Variants in HDAC7 observed in about 807,000 individuals in gnomAD.
HDAC7 encodes the protein histone deacetylase 7.
A neutral mutation model predicts 115.5 loss-of-function variants in HDAC7; 26 were observed. That is an observed-to-expected ratio of 0.23 (90% CI 0.16 to 0.31). The LOEUF (loss-of-function observed/expected upper bound fraction) is 0.31. Among genes scored for constraint, HDAC7 ranks in the 10% least tolerant of loss-of-function variants. The pLI is 1.00. For missense variants in HDAC7, 1,068 were observed against 1,329.0 expected (o/e 0.80, Z 3.05); for synonymous variants, 564 against 550.9 (o/e 1.02, Z -0.33).
At chr12:47,785,664 C>T (rs920253484) in intron 23 of HDAC7, 88 bp downstream of exon 23, 1 of 1,488,688 alleles carries the variant, frequency 6.7e-7, no homozygotes, top group African/African-American at 1.4e-5. Context: ...CCACCCTGTC[C>T]CATCCCATCT....
Position 47,797,291 on chromosome 12 carries a change from G to GC in HDAC7, c.577+92dup. Reference sequence around the variant, plus strand: ...AGCCTACCGATGATCTCCTGGCCCAGCCCAGCCCGCCCACCCCTGCACACT... The same window carrying GC: ...AGCCTACCGATGATCTCCTGGCCCAGCCCCAGCCCGCCCACCCCTGCACACT... On this transcript the variant is annotated intron_variant, in intron 6 of 25. Transcript: ENST00000080059. The surrounding 1 kb of genome is among the most constrained non-coding windows in gnomAD (Gnocchi z 5.5). The GC allele has an allele frequency of 1.3e-5, 18 of 1,336,172 alleles. No homozygotes were observed. Among genetic ancestry groups the GC allele is most frequent in the Admixed American group, 9.5e-5 (5 of 52,520 alleles). The allele number at this position is 1,336,172 out of a possible 1,614,324, so 82.8% of individuals were successfully genotyped here. A position where few individuals can be genotyped will look rare whatever the true frequency, so the allele number is the denominator to read the frequency against.
At chr12:47,790,771 C>T (rs370761609) in intron 16 of HDAC7, 14 of 185,318 alleles carry the variant, frequency 7.6e-5, no homozygotes, top group East Asian at 7.0e-4. Flanking sequence ...GCAAAGCTCG[C>T]GAGCGGAGTT....
intron 24 of HDAC7, chr12:47,784,634 G>T: frequency 7.6e-7 from 1 of 1,324,342 alleles, no homozygotes; most frequent in Non-Finnish European, 1.0e-6. Flanking sequence ...CCAGTGCTCA[G>T]CCCAGCACTC....
At chr12:47,796,695 A>C (rs1329919051) in intron 7 of HDAC7, among the ~76,000 whole-genome samples, 2 of 152,112 alleles carry the variant, frequency 1.3e-5, no homozygotes, top group African/African-American at 4.8e-5. Flanking sequence ...AAGTGCTGAG[A>C]TTATAGGCGT....
In HDAC7 at chr12:47,803,684, C is replaced by G. The variant is rs543938592; in HGVS notation, c.20-1410G>C. 1.3e-4 allele frequency among the ~76,000 whole-genome samples: 20 copies of G among 152,228 alleles called. No individual in the cohort carries two copies. Among genetic ancestry groups the G allele is most frequent in the Non-Finnish European group, 2.6e-4 (18 of 68,042 alleles). On this transcript the variant is annotated intron_variant, in intron 1 of 25. Coordinates refer to ENST00000080059, the MANE Select transcript of HDAC7 (RefSeq NM_015401.5). This position sits in a 1 kb window ranked among gnomAD's most constrained non-coding sequence, Gnocchi z 4.0. ...GGTGCCCTGTGGAAGCCATGCCCAT[C>G]TGCACCAAACACCTCGCAGGGCACG...
Position 47,793,601 on chromosome 12 carries a change from T to G in HDAC7, c.1459-13A>C, listed in dbSNP as rs772664693. 2.8e-5 allele frequency: 42 copies of G among 1,525,580 alleles called. No individual in the cohort carries two copies. In the African/African-American group the frequency reaches 5.4e-4, roughly 19 times the overall value. 94.5% of individuals were successfully genotyped at this position (1,525,580 alleles called of 1,614,324 possible). On this transcript the variant is annotated splice_polypyrimidine_tract_variant and intron_variant, in intron 12 of 25. Coordinates refer to ENST00000080059, the MANE Select transcript of HDAC7 (RefSeq NM_015401.5). This position sits in a 1 kb window ranked among gnomAD's most constrained non-coding sequence, Gnocchi z 4.5. ...CCCAGAGCAACACCTAGGGGAAAGA[T>G]GGGGCCTTGGTCTCCAGTGTTTCAG...
Position 47,798,482 on chromosome 12 carries a change from T to A in HDAC7, c.349+80A>T. On this transcript the variant is annotated intron_variant, in intron 4 of 25. Transcript: ENST00000080059. This position sits in a 1 kb window ranked among gnomAD's most constrained non-coding sequence, Gnocchi z 4.3. ...CCCAGCTGGCTGCGGCCCTCCCACCTCACCCCTCACAAGCCACACAGGCAG... is the reference window on the plus strand; with the variant it reads ...CCCAGCTGGCTGCGGCCCTCCCACCACACCCCTCACAAGCCACACAGGCAG... The A allele has an allele frequency of 7.6e-7, 1 of 1,313,960 alleles. No homozygotes were observed. The highest frequency in any genetic ancestry group is 1.1e-6 in the Non-Finnish European group (1 of 922,280). The allele number at this position is 1,313,960 out of a possible 1,614,324, so 81.4% of individuals were successfully genotyped here.
At chr12:47,811,484 G>A (rs61917653) in intron 1 of HDAC7, among the ~76,000 whole-genome samples, 18,110 of 152,238 alleles carry the variant, frequency 0.12, 1,201 homozygotes, top group Middle Eastern at 0.16. Flanking sequence ...TGAAAAAACA[G>A]TATATGCAGA....
chr12:47,796,309 G>A lies in HDAC7; in HGVS notation c.704-11C>T, dbSNP rs758987943. ...TACTTGGGGAGGAGTCTGAGGGTTG[G>A]GGAGAGAGGGAAGTGCAGTCAGAGG... On this transcript the variant is annotated splice_polypyrimidine_tract_variant and intron_variant, in intron 7 of 25. Coordinates refer to ENST00000080059, the MANE Select transcript of HDAC7 (RefSeq NM_015401.5). 6.3e-7 allele frequency: 1 copy of A among 1,586,090 alleles called. No homozygotes were observed. Among genetic ancestry groups the A allele is most frequent in the South Asian group, 1.2e-5 (1 of 86,468 alleles).
At chr12:47,796,960 G>A (rs915940716) in intron 7 of HDAC7, 57 bp downstream of exon 7, 6 of 1,491,724 alleles carry the variant, frequency 4.0e-6, no homozygotes, top group Non-Finnish European at 4.4e-6. Flanking sequence ...CTGACCCAAA[G>A]GGACAAGACC....
intron 1 of HDAC7, among the ~76,000 whole-genome samples, chr12:47,804,625 C>T (rs59502643): frequency 0.011 from 1,748 of 152,146 alleles, 41 homozygotes; most frequent in African/African-American, 0.04. Flanking sequence ...TTTTGGAATC[C>T]TGGCTACTCC....
At chr12:47,788,421 A>G in intron 19 of HDAC7, 1 of 322,694 alleles carries the variant, frequency 3.1e-6, no homozygotes, top group African/African-American at 2.1e-5. Flanking sequence ...ATCTCAGGCC[A>G]GCCCACCTGA....
intron 1 of HDAC7, chr12:47,802,549 C>A (rs1189859970): frequency 1.4e-6 from 2 of 1,419,916 alleles, no homozygotes; most frequent in East Asian, 2.5e-5. Flanking sequence ...CCTAAGGAGG[C>A]CTCAGCTCAC....
At chr12:47,785,160 G>T in intron 24 of HDAC7, 1 of 551,520 alleles carries the variant, frequency 1.8e-6, no homozygotes, top group South Asian at 2.3e-5. Flanking sequence ...ACCTTGAGGG[G>T]CCACTGTCTG....
chr12:47,785,870 G>A lies in HDAC7; in HGVS notation c.2588C>T (p.Thr863Met), dbSNP rs1427171781. 1.9e-6 allele frequency: 3 copies of A among 1,606,946 alleles called. No individual in the cohort carries two copies. Among genetic ancestry groups the A allele is most frequent in the East Asian group, 2.2e-5 (1 of 44,710 alleles). Residue 863 changes from threonine to methionine, a missense_variant, in exon 23 of 26, where the codon ACG becomes ATG. Around this residue, in one of 6 missense-constraint regions of HDAC7, gnomAD observed 182 missense variants for 301.1 expected, o/e 0.60. Coordinates refer to ENST00000080059, the MANE Select transcript of HDAC7 (RefSeq NM_015401.5). Reference protein sequence around the residue: ...HVSAKCFGYMTQQLMNLAGGA... With the variant: ...HVSAKCFGYMMQQLMNLAGGA... ...TCCTGCCAGGTTCATCAGTTGCTGCGTCATGTATCCAAAACCTAGAGGTTG... is the reference window on the plus strand; with the variant it reads ...TCCTGCCAGGTTCATCAGTTGCTGCATCATGTATCCAAAACCTAGAGGTTG...
At chr12:47,804,618 T>A (rs951040110) in intron 1 of HDAC7, among the ~76,000 whole-genome samples, 8 of 152,176 alleles carry the variant, frequency 5.3e-5, no homozygotes, top group African/African-American at 1.9e-4. Flanking sequence ...CTCTTCTTTT[T>A]GGAATCCTGG....
chr12:47,802,013 TTG>T (rs1944188541), intron 2 of HDAC7, among the ~76,000 whole-genome samples: 1 of 152,146 alleles, frequency 6.6e-6, no homozygotes, highest in African/African-American at 2.4e-5. Flanking sequence ...CCTTTTCCTG[TTG>T]TGTTTCCTAG....
At chr12:47,785,346 C>A (rs766845571) in intron 24 of HDAC7, 41 bp downstream of exon 24, 1 of 1,537,516 alleles carries the variant, frequency 6.5e-7, no homozygotes, top group East Asian at 2.3e-5. Flanking sequence ...CACCAAGATC[C>A]TTCAGTCTGA....
At chr12:47,808,231 C>T (rs538257288) in intron 1 of HDAC7, among the ~76,000 whole-genome samples, 1 of 152,310 alleles carries the variant, frequency 6.6e-6, no homozygotes, top group South Asian at 2.1e-4. Context: ...CGCAGGATGT[C>T]CGGTTTGGAG....
Sources: gnomAD v4.1 joint callset for allele counts (sites outside exome capture counted in the v4.1 genomes callset) on GRCh38, gnomAD v4.1.1 for gene constraint, gnomAD v4.1.1 regional missense constraint, Gnocchi (gnomAD v3.1) non-coding constraint, MANE v1.5 for transcripts, NCBI Gene and HGNC (gene_info 2026-07-23, HGNC 2026-07-21) for gene names.